Variants in UNC13C observed in about 807,000 individuals in gnomAD.
The protein encoded by UNC13C is protein unc-13 homolog C.
Under a neutral mutation model 245.4 loss-of-function variants are expected in UNC13C, and 174 were observed. That is an observed-to-expected ratio of 0.71 (90% CI 0.63 to 0.80). The LOEUF (loss-of-function observed/expected upper bound fraction) is 0.80, where lower values mean the gene tolerates loss of function less well. Among genes scored for constraint, UNC13C ranks in the 30% least tolerant of loss-of-function variants. The probability of loss-of-function intolerance (pLI) is 0.00; values close to 1 mark genes in which losing one functional copy is unlikely to be tolerated. For synonymous variants in UNC13C, 992 were observed against 895.1 expected, an observed-to-expected ratio of 1.11 and a Z score of -1.93; for missense variants, 2,829 against 2,602.9, an observed-to-expected ratio of 1.09 and a Z score of -1.89.
intron 29 of UNC13C, among the ~76,000 whole-genome samples, chr15:54,559,903 C>T (rs868616092): frequency 2.0e-5 from 3 of 151,856 alleles, no homozygotes; most frequent in Non-Finnish European, 2.9e-5. Flanking sequence ...CAGCATGCTG[C>T]GGCTTAAACA....
chr15:54,342,090 A>G (rs928045652), intron 17 of UNC13C, among the ~76,000 whole-genome samples: 15 of 152,088 alleles, frequency 9.9e-5, no homozygotes, highest in African/African-American at 3.6e-4. Context: ...ACGTATTTTC[A>G]CATATGATCA....
At chr15:54,256,287 T>C (rs1381342762) in intron 8 of UNC13C, among the ~76,000 whole-genome samples, 1 of 152,154 alleles carries the variant, frequency 6.6e-6, no homozygotes, top group Non-Finnish European at 1.5e-5. Context: ...AAGATCGTGC[T>C]AGAAAACAGA....
chr15:54,136,486 T>C (rs2141224727), intron 2 of UNC13C, among the ~76,000 whole-genome samples: 1 of 152,334 alleles, frequency 6.6e-6, no homozygotes, highest in East Asian at 1.9e-4. Context: ...TTGTCACCTG[T>C]AAACAGAAAC....
Position 54,191,748 on chromosome 15 carries a change from C to G in UNC13C, c.3072-43282C>G, listed in dbSNP as rs188451096. ...GACTTTTTAATGATCACCATTCTAA[C>G]TGGCATGAGATGGTGTCTCATTGTG... On this transcript the variant is annotated intron_variant, in intron 4 of 32. Coordinates refer to ENST00000260323, the MANE Select transcript of UNC13C (RefSeq NM_001080534.3). Among the ~76,000 whole-genome samples the G allele has an allele frequency of 5.3e-5, 8 of 152,304 alleles. No individual in the cohort carries two copies. In the East Asian group the frequency reaches 1.4e-3, roughly 26 times the overall value.
chr15:53,861,625 G>A, the UNC13C span, among the ~76,000 whole-genome samples: 6 of 152,106 alleles, frequency 3.9e-5, no homozygotes, highest in Non-Finnish European at 7.3e-5. Flanking sequence ...CTATAGAGGT[G>A]CAAACACATG....
At chr15:54,041,147 C>A (rs1227008535) in intron 2 of UNC13C, among the ~76,000 whole-genome samples, 1 of 152,092 alleles carries the variant, frequency 6.6e-6, no homozygotes. Context: ...TAAATGAATA[C>A]CTTTCTATAT....
the UNC13C span, among the ~76,000 whole-genome samples, chr15:53,850,275 C>T: frequency 6.6e-6 from 1 of 151,992 alleles, no homozygotes; most frequent in Admixed American, 6.6e-5. Context: ...TTTAGGCAGG[C>T]ATGGTGGCAT....
intron 12 of UNC13C, 82 bp downstream of exon 12, chr15:54,298,008 A>T: frequency 9.9e-7 from 1 of 1,008,188 alleles, no homozygotes; most frequent in African/African-American, 1.6e-5. Flanking sequence ...TTGGTTTAAA[A>T]ATCATTGAAT....
intron 2 of UNC13C, among the ~76,000 whole-genome samples, chr15:54,134,127 T>C (rs540569328): frequency 6.6e-6 from 1 of 151,570 alleles, no homozygotes; most frequent in East Asian, 2.0e-4. Context: ...AATGTAGTAT[T>C]ATTGGCTATA....
At chr15:54,310,625 G>T (rs185940057) in intron 13 of UNC13C, among the ~76,000 whole-genome samples, 2 of 151,818 alleles carry the variant, frequency 1.3e-5, no homozygotes, top group East Asian at 3.9e-4. Flanking sequence ...TAGAAGTGAT[G>T]AAGTCACTTT....
At chr15:54,211,191 A>C (rs1292382868) in intron 4 of UNC13C, among the ~76,000 whole-genome samples, 1 of 152,148 alleles carries the variant, frequency 6.6e-6, no homozygotes. Flanking sequence ...TATTTATGTG[A>C]ACTTCTATGC....
intron 2 of UNC13C, among the ~76,000 whole-genome samples, chr15:54,030,870 AT>A (rs200671342): frequency 0.012 from 1,857 of 152,292 alleles, 14 homozygotes; most frequent in Non-Finnish European, 0.019. Context: ...CCAAAATCCT[AT>A]TTGTGAGGGC....
the UNC13C span, among the ~76,000 whole-genome samples, chr15:53,915,796 A>T: frequency 6.6e-6 from 1 of 152,222 alleles, no homozygotes; most frequent in South Asian, 2.1e-4. Context: ...CAGATGACTC[A>T]ATAAGTGGAG....
chr15:53,960,016 T>G, the UNC13C span, among the ~76,000 whole-genome samples: 1 of 152,192 alleles, frequency 6.6e-6, no homozygotes, highest in Non-Finnish European at 1.5e-5. Context: ...TAAAAGTTTT[T>G]ACAGTTTACA....
At chr15:54,227,405 C>A (rs1346557393) in intron 4 of UNC13C, among the ~76,000 whole-genome samples, 1 of 152,186 alleles carries the variant, frequency 6.6e-6, no homozygotes, top group East Asian at 1.9e-4. Context: ...CACCATGGAG[C>A]CTGCCTGCTG....
intron 19 of UNC13C, among the ~76,000 whole-genome samples, chr15:54,490,659 T>G (rs938046477): frequency 2.0e-4 from 27 of 138,198 alleles, no homozygotes; most frequent in Admixed American, 8.0e-4. Flanking sequence ...ATTGGGAAAC[T>G]TTTTTTTTTT....
intron 19 of UNC13C, among the ~76,000 whole-genome samples, chr15:54,468,185 G>A (rs1007000587): frequency 2.0e-5 from 3 of 151,390 alleles, no homozygotes; most frequent in Non-Finnish European, 4.4e-5. Flanking sequence ...ATCTCATTGT[G>A]GTTTTAATTT....
chr15:54,339,133 GC>G (rs2038665848), intron 17 of UNC13C, among the ~76,000 whole-genome samples: 1 of 152,140 alleles, frequency 6.6e-6, no homozygotes, highest in Non-Finnish European at 1.5e-5. Flanking sequence ...CTCCCAAAGT[GC>G]TGGGATTATA....
intron 10 of UNC13C, among the ~76,000 whole-genome samples, chr15:54,271,679 T>C (rs1226195295): frequency 6.6e-6 from 1 of 152,208 alleles, no homozygotes; most frequent in African/African-American, 2.4e-5. Flanking sequence ...AGGTAGGTCA[T>C]AAAGCTGATA....
Sources: gnomAD v4.1 joint callset for allele counts (sites outside exome capture counted in the v4.1 genomes callset) on GRCh38, gnomAD v4.1.1 for gene constraint, MANE v1.5 for transcripts, NCBI Gene and HGNC (gene_info 2026-07-23, HGNC 2026-07-21) for gene names.